The following PRSS21 variants were observed in gnomAD, a reference collection of about 807,000 sequenced individuals.
The protein encoded by PRSS21 is serine protease 21.
Under a neutral mutation model 31.1 loss-of-function variants are expected in PRSS21, and 40 were observed. The ratio of observed to expected loss-of-function variants is 1.29; its 90% CI spans 1.00 to 1.68. PRSS21 has a LOEUF of 1.68. Ranked by LOEUF, PRSS21 falls within the 40% of genes most tolerant of loss-of-function variation. The pLI is 0.00. For missense variants in PRSS21, 467 were observed against 412.6 expected (o/e 1.13, Z -1.14); for synonymous variants, 186 against 167.7 (o/e 1.11, Z -0.84).
intron 4 of PRSS21, among the ~76,000 whole-genome samples, chr16:2,819,636 C>A (rs968678159): frequency 2.0e-5 from 3 of 152,362 alleles, no homozygotes; most frequent in African/African-American, 7.2e-5. Flanking sequence ...GTAACAATAA[C>A]AAACGTGGTT....
chr16:2,817,827 T>TC lies in PRSS21; in HGVS notation c.119dup (p.Arg41AlafsTer45). 4 of 1,550,836 alleles carry TC rather than the reference T, an allele frequency of 2.6e-6. No homozygotes were observed. Among genetic ancestry groups the TC allele is most frequent in the South Asian group, 1.2e-5 (1 of 84,078 alleles). On this transcript the variant is annotated frameshift_variant, in exon 3 of 6. Coordinates refer to ENST00000005995, the MANE Select transcript of PRSS21 (RefSeq NM_006799.4). LOFTEE classifies it high-confidence loss of function. The surrounding 1 kb of genome is among the most constrained non-coding windows in gnomAD (Gnocchi z 4.2). ...ACCATGCGGCCGACGGGTCATCACG[T>TC]CGCGCATCGTGGGTGGAGAGGACGC...
intron 4 of PRSS21, 94 bp from the exon 5 acceptor site, chr16:2,820,861 G>C: frequency 7.5e-7 from 1 of 1,331,350 alleles, no homozygotes; most frequent in Non-Finnish European, 1.0e-6. Context: ...GGCACAGTGG[G>C]TGCCCCAGGG....
chr16:2,821,589 T>A lies in PRSS21; in HGVS notation c.929T>A (p.Leu310His), dbSNP rs765407237. The A allele has an allele frequency of 6.2e-7, 1 of 1,613,218 alleles. No individual in the cohort carries two copies. Among genetic ancestry groups the A allele is most frequent in the Admixed American group, 1.7e-5 (1 of 60,028 alleles). The change falls in exon 6 of 6, where the codon CTC (leucine) becomes CAC (histidine). Residue 310 changes from leucine (L) to histidine (H), a missense_variant. Transcript: ENST00000005995. Reference sequence around the variant, plus strand: ...TTCCCTCTTCTCTGGGCTCTCCCACTCCTGGGGCCGGTCTGAGCCTACCTG... The same window carrying A: ...TTCCCTCTTCTCTGGGCTCTCCCACACCTGGGGCCGGTCTGAGCCTACCTG... ...LFFPLLWALP[L>H]LGPV
chr16:2,821,443 C>G lies in PRSS21; in HGVS notation c.783C>G (p.Gly261=), dbSNP rs201493696. The change falls in exon 6 of 6, where the codon GGC becomes GGG. Residue 261 remains glycine (G), a synonymous_variant. Transcript: ENST00000005995. The part of the protein sequence containing the change: ...YQIGVVSWGV[G]CGRPNRPGVY... The stretch of plus-strand genomic sequence containing the variant: ...TTGGAGTCGTGAGCTGGGGAGTGGG[C>G]TGTGGTCGGCCCAATCGGCCCGGTG... 1.9e-6 allele frequency: 3 copies of G among 1,614,218 alleles called. No individual in the cohort carries two copies. The East Asian group carries it at 6.7e-5, about 36-fold the overall frequency.
At chr16:2,820,239 G>C (rs577459285) in intron 4 of PRSS21, among the ~76,000 whole-genome samples, 9 of 152,370 alleles carry the variant, frequency 5.9e-5, no homozygotes, top group African/African-American at 1.9e-4. Context: ...CCACATCAGA[G>C]GCTAGTTCCC....
chr16:2,820,280 C>A (rs1351323546), intron 4 of PRSS21, among the ~76,000 whole-genome samples: 1 of 152,224 alleles, frequency 6.6e-6, no homozygotes, highest in Non-Finnish European at 1.5e-5. Context: ...TTAGGAGAGG[C>A]CCCGCTGACG....
chr16:2,820,871 G>GC lies in PRSS21; in HGVS notation c.551-79dup, dbSNP rs2069159786. ...TGCCAGGCACAGTGGGTGCCCCAGGGCCCCCACCCCCGCAGCCTATGCCAT... is the reference window on the plus strand; with the variant it reads ...TGCCAGGCACAGTGGGTGCCCCAGGGCCCCCCACCCCCGCAGCCTATGCCAT... On this transcript the variant is annotated intron_variant, in intron 4 of 5. Coordinates refer to ENST00000005995, the MANE Select transcript of PRSS21 (RefSeq NM_006799.4). 1.0e-5 allele frequency: 15 copies of GC among 1,442,692 alleles called. No individual in the cohort carries two copies. The South Asian group carries it at 1.9e-4, about 18-fold the overall frequency. 89.4% of individuals were successfully genotyped at this position (1,442,692 alleles called of 1,614,324 possible).
At position 2,817,766 on chromosome 16, in the gene PRSS21, C is replaced by G; in HGVS notation, c.92-35C>G. 1 of 1,540,196 alleles carries G rather than the reference C, an allele frequency of 6.5e-7. No individual in the cohort carries two copies. The highest frequency in any genetic ancestry group is 8.8e-7 in the Non-Finnish European group (1 of 1,141,330). On this transcript the variant is annotated intron_variant, in intron 2 of 5. Coordinates refer to ENST00000005995, the MANE Select transcript of PRSS21 (RefSeq NM_006799.4). The surrounding 1 kb of genome is among the most constrained non-coding windows in gnomAD (Gnocchi z 4.2). The stretch of plus-strand genomic sequence containing the variant: ...GGAGAGGTCGGGCTTGGGGGGCTGC[C>G]TCCCGCGGCTCAGCAGTTCCTCTGA...
rs2069179008 is a variant in PRSS21, at chr16:2,821,567, C to T, written c.907C>T (p.Pro303Ser). 3.7e-6 allele frequency: 6 copies of T among 1,614,052 alleles called. No homozygotes were observed. The East Asian group carries it at 6.7e-5, about 18-fold the overall frequency. ...CCCCTCCTGGCCGCTACTCTTTTTC[C>T]CTCTTCTCTGGGCTCTCCCACTCCT... ...PDPSWPLLFF[P>S]LLWALPLLGP... Residue 303 changes from proline (P) to serine (S), a missense_variant, in exon 6 of 6, where the codon CCT (proline) becomes TCT (serine). Pro to Ser is a moderately conservative substitution (Grantham distance 74, BLOSUM62 -1). Transcript: ENST00000005995.
chr16:2,817,912 G>T lies in PRSS21; in HGVS notation c.203G>T (p.Gly68Val). 1 of 1,549,556 alleles carries T rather than the reference G, an allele frequency of 6.5e-7. No individual in the cohort carries two copies. The highest frequency in any genetic ancestry group is 2.4e-5 in the East Asian group (1 of 40,906). ...SLRLWDSHVC[G>V]VSLLSHRWAL... ...CGCCTGTGGGATTCCCACGTATGCG[G>T]AGTGAGCCTGCTCAGCCACCGCTGG... The change falls in exon 3 of 6, where the codon GGA (glycine) becomes GTA (valine). Residue 68 changes from glycine (G) to valine (V), a missense_variant. Coordinates refer to ENST00000005995, the MANE Select transcript of PRSS21 (RefSeq NM_006799.4). This position sits in a 1 kb window ranked among gnomAD's most constrained non-coding sequence, Gnocchi z 4.2.
At chr16:2,818,061 T>A in intron 3 of PRSS21, 95 bp downstream of exon 3, 1 of 1,433,884 alleles carries the variant, frequency 7.0e-7, no homozygotes, top group South Asian at 1.3e-5. Context: ...ATGCCAGACT[T>A]GGGCGTGAAA....
At position 2,821,332 on chromosome 16, in the gene PRSS21, GCCCCAGGCTGACCTCAGCCCCGCTGCT is replaced by G; in HGVS notation, c.706-26_706del. ...GCCCCTCCCCTGCCCCACTCACTCT[GCCCCAGGCTGACCTCAGCCCCGCTGCT>G]CCCCAGGGTGACTCAGGTGGACCCT... On this transcript the variant is annotated splice_region_variant and splice_polypyrimidine_tract_variant and intron_variant, in intron 5 of 5. Coordinates refer to ENST00000005995, the MANE Select transcript of PRSS21 (RefSeq NM_006799.4). The G allele has an allele frequency of 6.2e-7, 1 of 1,611,742 alleles. No homozygotes were observed. Among genetic ancestry groups the G allele is most frequent in the Non-Finnish European group, 8.5e-7 (1 of 1,178,434 alleles).
intron 3 of PRSS21, among the ~76,000 whole-genome samples, chr16:2,818,191 G>A (rs902768837): frequency 1.3e-5 from 2 of 152,174 alleles, no homozygotes; most frequent in East Asian, 1.9e-4. Flanking sequence ...ATTCCAGAAT[G>A]TTCTTCCAGA....
chr16:2,820,814 TG>T, intron 4 of PRSS21, 140 bp from the exon 5 acceptor site: 1 of 827,708 alleles, frequency 1.2e-6, no homozygotes, highest in Admixed American at 2.3e-5. Flanking sequence ...TGCTGGGGTC[TG>T]GGTTGGAGCT....
chr16:2,818,448 G>T (rs562165393), intron 3 of PRSS21, among the ~76,000 whole-genome samples: 5 of 152,268 alleles, frequency 3.3e-5, no homozygotes, highest in African/African-American at 7.2e-5. Flanking sequence ...TCAATGCAAG[G>T]CTCCTTGGGA....
intron 4 of PRSS21, 65 bp downstream of exon 4, chr16:2,819,034 A>T (rs1486850978): frequency 1.3e-6 from 2 of 1,562,516 alleles, no homozygotes; most frequent in African/African-American, 2.7e-5. Flanking sequence ...CTGCATAGGC[A>T]CAATAGCCCC....
Position 2,817,541 on chromosome 16 carries a change from T to C in PRSS21, c.91+85T>C. 2 of 1,412,210 alleles carry C rather than the reference T, an allele frequency of 1.4e-6. No homozygotes were observed. Among genetic ancestry groups the C allele is most frequent in the Non-Finnish European group, 1.9e-6 (2 of 1,060,352 alleles). 87.5% of individuals were successfully genotyped at this position (1,412,210 alleles called of 1,614,324 possible). ...CGGTGAGGGGGTAGAGGGGGGCCTT[T>C]ACTGCTCTCTCGCCCCCGCCCCCGG... is the stretch of plus-strand genomic sequence containing the variant. On this transcript the variant is annotated intron_variant, in intron 2 of 5. Transcript: ENST00000005995. This position sits in a 1 kb window ranked among gnomAD's most constrained non-coding sequence, Gnocchi z 4.2.
chr16:2,817,290 C>T lies in PRSS21; in HGVS notation c.22C>T (p.Leu8=). 6.5e-7 allele frequency: 1 copy of T among 1,537,688 alleles called. No homozygotes were observed. Residue 8 remains leucine (L), a synonymous_variant, in exon 1 of 6, where the codon CTG becomes TTG. Transcript: ENST00000005995. The surrounding 1 kb of genome is among the most constrained non-coding windows in gnomAD (Gnocchi z 4.2). ...GGCCATGGGCGCGCGCGGGGCGCTG[C>T]TGCTGGCGCTGCTGCTGGCTCGGGC... MGARGAL[L]LALLLARAGL... is the part of the protein sequence containing the mutation.
Position 2,821,109 on chromosome 16 carries a change from C to G in PRSS21, c.705C>G (p.Phe235Leu). 1.2e-6 allele frequency: 2 copies of G among 1,613,860 alleles called. No homozygotes were observed. Among genetic ancestry groups the G allele is most frequent in the Non-Finnish European group, 1.7e-6 (2 of 1,179,950 alleles). ...CCCAAGGCGGGAAGGATGCCTGCTT[C>G]GTGAGTGTCCTTGCCACCACTCCCA... Reference protein sequence around the residue: ...GNAQGGKDACFGDSGGPLACN... With the variant: ...GNAQGGKDACLGDSGGPLACN... Residue 235 changes from phenylalanine to leucine, a missense_variant and splice_region_variant, in exon 5 of 6, where the codon TTC becomes TTG. Phe to Leu is a conservative substitution (Grantham distance 22). Coordinates refer to ENST00000005995, the MANE Select transcript of PRSS21 (RefSeq NM_006799.4).
Sources: gnomAD v4.1 joint callset for allele counts (sites outside exome capture counted in the v4.1 genomes callset) on GRCh38, gnomAD v4.1.1 for gene constraint, Gnocchi (gnomAD v3.1) non-coding constraint, MANE v1.5 for transcripts, NCBI Gene and HGNC (gene_info 2026-07-23, HGNC 2026-07-21) for gene names.